Variants in ZNF75D observed in about 807,000 individuals in gnomAD.
ZNF75D encodes the protein zinc finger protein 75.
In ZNF75D, 33 loss-of-function variants were observed where a neutral mutation model predicts 33.3. That is an observed-to-expected ratio of 0.99 (90% confidence interval 0.75 to 1.32). ZNF75D has a LOEUF of 1.32. ZNF75D is among the 40% of genes most tolerant of loss of function. ZNF75D has a pLI of 0.00. For missense variants in ZNF75D, 338 were observed against 367.5 expected, an observed-to-expected ratio of 0.92 and a Z score of 0.66; for synonymous variants, 113 against 130.6, an observed-to-expected ratio of 0.87 and a Z score of 0.92.
intron 2 of ZNF75D, among the ~76,000 whole-genome samples, chrX:135,252,315 C>T (rs1366461144): frequency 6.5e-5 from 6 of 92,807 alleles, no homozygotes; most frequent in Non-Finnish European, 1.3e-4. Context: ...GTCACTTGGG[C>T]AAGTCTTTTA....
At chrX:135,275,656 A>G (rs1356564720) in intron 1 of ZNF75D, among the ~76,000 whole-genome samples, 1 of 110,027 alleles carries the variant, frequency 9.1e-6, no homozygotes, top group Admixed American at 9.8e-5. Flanking sequence ...TATATTTTAC[A>G]TATGTATATA....
Position 135,287,608 on chromosome X carries a change from A to G in ZNF75D, c.1062T>C (p.Leu354=). 1.7e-6 allele frequency: 2 copies of G among 1,210,331 alleles called. No homozygotes were observed. The highest frequency in any genetic ancestry group is 1.8e-5 in the South Asian group (1 of 56,358). Reference sequence around the variant, plus strand: ...TCTCCCCTGTGGGGCCTTTCCCATGAAGATCCATAAGTTTTGGAAGCTCTT... The same window carrying G: ...TCTCCCCTGTGGGGCCTTTCCCATGGAGATCCATAAGTTTTGGAAGCTCTT... ...CKQELPKLMD[L]HGKGPTGEKP... is the part of the protein sequence containing the mutation. Residue 354 remains leucine (L), a synonymous_variant, in exon 7 of 7, where the codon CTT becomes CTC. Transcript: ENST00000370766.
intron 2 of ZNF75D, among the ~76,000 whole-genome samples, chrX:135,295,351 G>A (rs1034709998): frequency 8.9e-6 from 1 of 111,764 alleles, no homozygotes; most frequent in Non-Finnish European, 1.9e-5. Context: ...AGGAAGTTTC[G>A]CTGAGTGTGG....
chrX:135,338,582 C>G (rs1172089986), intron 1 of ZNF75D, among the ~76,000 whole-genome samples: 1 of 111,754 alleles, frequency 8.9e-6, no homozygotes, highest in Non-Finnish European at 1.9e-5. Flanking sequence ...GATGTTGACA[C>G]TTTCTAGTAG....
chrX:135,322,934 T>C (rs924516558), intron 1 of ZNF75D, among the ~76,000 whole-genome samples: 2 of 112,313 alleles, frequency 1.8e-5, no homozygotes. Flanking sequence ...GATCCCCAGA[T>C]ATAGCTGTAC....
intron 5 of ZNF75D, 104 bp downstream of exon 5, chrX:135,291,368 T>C: frequency 1.0e-6 from 1 of 988,402 alleles, no homozygotes; most frequent in Non-Finnish European, 1.4e-6. Context: ...GGGGCTAAAA[T>C]GCCTCAAAGC....
downstream of ZNF75D, among the ~76,000 whole-genome samples, chrX:135,282,727 C>T (rs961244648): frequency 9.9e-5 from 11 of 111,238 alleles, no homozygotes; most frequent in Admixed American, 3.8e-4. Flanking sequence ...CAGGGCTTCC[C>T]GTGGCTAGGG....
intron 1 of ZNF75D, among the ~76,000 whole-genome samples, chrX:135,329,867 A>G (rs1316296141): frequency 8.9e-6 from 1 of 112,196 alleles, no homozygotes; most frequent in Admixed American, 9.4e-5. Flanking sequence ...CCTGTTTGAC[A>G]CTATTATACC....
chrX:135,309,303 A>G (rs1291198467), intron 1 of ZNF75D, among the ~76,000 whole-genome samples: 1 of 111,636 alleles, frequency 9.0e-6, no homozygotes, highest in Non-Finnish European at 1.9e-5. Flanking sequence ...CATGTGTGAG[A>G]CAGATTGAAT....
intron 1 of ZNF75D, among the ~76,000 whole-genome samples, chrX:135,257,808 TTTA>T (rs1168748117): frequency 8.9e-6 from 1 of 111,885 alleles, no homozygotes; most frequent in Non-Finnish European, 1.9e-5. Flanking sequence ...TTAGAGATCT[TTTA>T]TTATTATTAT....
chrX:135,339,524 G>C (rs936585231), intron 1 of ZNF75D, among the ~76,000 whole-genome samples: 1 of 112,397 alleles, frequency 8.9e-6, no homozygotes, highest in Non-Finnish European at 1.9e-5. Flanking sequence ...AGAGCTACCA[G>C]TAGGATGTGG....
intron 1 of ZNF75D, among the ~76,000 whole-genome samples, chrX:135,258,318 T>C (rs186922470): frequency 1.4e-4 from 16 of 110,475 alleles, no homozygotes; most frequent in African/African-American, 3.6e-4. Context: ...CCCAGTAATG[T>C]GATTACTGGG....
chrX:135,288,754 G>T (rs782184042), intron 6 of ZNF75D, among the ~76,000 whole-genome samples: 1 of 111,846 alleles, frequency 8.9e-6, no homozygotes, highest in Non-Finnish European at 1.9e-5. Context: ...TACTGAAATT[G>T]CTTAATTTGC....
At chrX:135,313,822 T>C (rs964368432) in intron 1 of ZNF75D, among the ~76,000 whole-genome samples, 2 of 112,175 alleles carry the variant, frequency 1.8e-5, no homozygotes, top group Non-Finnish European at 3.8e-5. Flanking sequence ...ACAGTACTGA[T>C]TTTCATATGT....
intron 1 of ZNF75D, among the ~76,000 whole-genome samples, chrX:135,258,238 T>C (rs1362953338): frequency 3.8e-5 from 4 of 106,209 alleles, no homozygotes; most frequent in East Asian, 2.8e-4. Flanking sequence ...CTATTGTGAA[T>C]AGTGCTGCAA....
intron 1 of ZNF75D, 121 bp downstream of exon 1, chrX:135,341,647 A>G (rs2084786471): frequency 8.9e-6 from 1 of 112,796 alleles, no homozygotes; most frequent in Non-Finnish European, 1.9e-5. Context: ...GGAAGCCACT[A>G]GAACTGTCTT....
chrX:135,320,576 A>G (rs192155040), intron 1 of ZNF75D, among the ~76,000 whole-genome samples: 1 of 111,557 alleles, frequency 9.0e-6, no homozygotes, highest in African/African-American at 3.2e-5. Context: ...TTGCTTTGAA[A>G]TATTTTTGAT....
At chrX:135,281,570 C>T (rs924782139), downstream of ZNF75D, among the ~76,000 whole-genome samples, 14 of 111,336 alleles carry the variant, frequency 1.3e-4, no homozygotes, top group East Asian at 2.8e-4. Context: ...AGAGGCATTA[C>T]GGTTTTTGGA....
At chrX:135,336,966 C>T (rs2084719461) in intron 1 of ZNF75D, among the ~76,000 whole-genome samples, 1 of 111,765 alleles carries the variant, frequency 8.9e-6, no homozygotes, top group African/African-American at 3.3e-5. Context: ...TTCCCAAGGA[C>T]ACACAGCTAG....
Sources: allele counts gnomAD v4.1 joint callset (sites outside exome capture counted in the v4.1 genomes callset), GRCh38; gene constraint gnomAD v4.1.1; transcripts MANE v1.5; gene names NCBI Gene and HGNC (gene_info 2026-07-23, HGNC 2026-07-21).